The following WAPL variants were observed in gnomAD, a reference collection of about 807,000 sequenced individuals.
The protein encoded by WAPL is WAPL cohesin release factor.
Under a neutral mutation model 121.0 loss-of-function variants are expected in WAPL, and 5 were observed. The ratio of observed to expected loss-of-function variants is 0.04; its 90% CI spans 0.02 to 0.09. WAPL has a LOEUF of 0.09. WAPL is among the 10% of genes least tolerant of loss of function. The pLI, the probability that WAPL is intolerant of heterozygous loss-of-function variation, is 1.00. For missense variants in WAPL, 999 were observed against 1,410.8 expected (o/e 0.71, Z 4.68); for synonymous variants, 480 against 481.5 (o/e 1.00, Z 0.04).
chr10:86,455,896 T>C lies in WAPL; in HGVS notation c.2658-2065A>G, dbSNP rs182366965. Among the ~76,000 whole-genome samples the C allele has an allele frequency of 2.6e-5, 4 of 152,246 alleles. No homozygotes were observed. In the East Asian group the frequency reaches 7.7e-4, roughly 29 times the overall value. On this transcript the variant is annotated intron_variant, in intron 12 of 18. Coordinates refer to ENST00000298767, the MANE Select transcript of WAPL (RefSeq NM_015045.5). ...TACTGCATTAGGTTCCCAGAGGTGC[T>C]ATACAAACAGAAACATGTTTTCTAA...
At chr10:86,451,668 T>C (rs7098970) in intron 15 of WAPL, among the ~76,000 whole-genome samples, 57,353 of 152,056 alleles carry the variant, frequency 0.38, 11,145 homozygotes, top group Non-Finnish European at 0.43. Flanking sequence ...GCTGGGATTA[T>C]AGGCGTGAGT....
chr10:86,440,934 C>T (rs1201049636), intron 17 of WAPL, among the ~76,000 whole-genome samples: 1 of 145,402 alleles, frequency 6.9e-6, no homozygotes, highest in Non-Finnish European at 1.5e-5. Flanking sequence ...AGTAAGGAAA[C>T]GTGGGGTGGG....
intron 17 of WAPL, among the ~76,000 whole-genome samples, chr10:86,442,180 C>T (rs1465812680): frequency 6.6e-6 from 1 of 152,114 alleles, no homozygotes; most frequent in East Asian, 1.9e-4. Context: ...TAGAGGTGTG[C>T]ACCGCCACGC....
At chr10:86,447,165 A>T (rs1849644045) in intron 15 of WAPL, among the ~76,000 whole-genome samples, 1 of 152,188 alleles carries the variant, frequency 6.6e-6, no homozygotes, top group South Asian at 2.1e-4. Flanking sequence ...TGGAATCTAC[A>T]TGCCATGTGA....
chr10:86,443,644 C>A, intron 16 of WAPL: 2 of 340,572 alleles, frequency 5.9e-6, no homozygotes, highest in African/African-American at 2.1e-5. Flanking sequence ...AATATATTTG[C>A]AAATCATGAA....
intron 13 of WAPL, 81 bp downstream of exon 13, chr10:86,453,575 A>C (rs1365236549): frequency 6.8e-7 from 1 of 1,466,010 alleles, no homozygotes; most frequent in African/African-American, 1.4e-5. Context: ...TCACTACCCC[A>C]GGAAAAGGAG....
Position 86,472,144 on chromosome 10 carries a change from C to T in WAPL, c.2030+64G>A. 2 of 1,459,010 alleles carry T rather than the reference C, an allele frequency of 1.4e-6. No individual in the cohort carries two copies. Among genetic ancestry groups the T allele is most frequent in the Non-Finnish European group, 1.8e-6 (2 of 1,103,412 alleles). The allele number at this position is 1,459,010 out of a possible 1,614,324, so 90.4% of individuals were successfully genotyped here. On this transcript the variant is annotated intron_variant, in intron 7 of 18. Transcript: ENST00000298767. The surrounding 1 kb of genome is among the most constrained non-coding windows in gnomAD (Gnocchi z 4.2). ...AAAAAATGTTTGGCTTTTTGGACAA[C>T]ACCTAGTTGAAAAAATTTAATACAG...
intron 4 of WAPL, among the ~76,000 whole-genome samples, chr10:86,496,328 T>C (rs185218298): frequency 2.0e-5 from 3 of 152,236 alleles, no homozygotes; most frequent in African/African-American, 7.2e-5. Context: ...AGGGCCCTCA[T>C]ATGTTGCTGG....
intron 2 of WAPL, among the ~76,000 whole-genome samples, chr10:86,505,143 C>A (rs944708684): frequency 6.6e-6 from 1 of 150,670 alleles, no homozygotes; most frequent in East Asian, 1.9e-4. Flanking sequence ...ACATAAAATT[C>A]CTAAAAGCTG....
chr10:86,452,946 G>C (rs1841025731), intron 14 of WAPL, among the ~76,000 whole-genome samples: 1 of 137,558 alleles, frequency 7.3e-6, no homozygotes, highest in Non-Finnish European at 1.5e-5. Context: ...GGCTGAGGCA[G>C]GAGAACTGCT....
At chr10:86,491,707 T>G (rs997969029) in intron 4 of WAPL, among the ~76,000 whole-genome samples, 1 of 150,884 alleles carries the variant, frequency 6.6e-6, no homozygotes, top group African/African-American at 2.4e-5. Flanking sequence ...TGGTTCACAC[T>G]GGCCAAATAT....
Position 86,477,672 on chromosome 10 carries a change from G to A in WAPL, c.1645-3699C>T, listed in dbSNP as rs561371698. On this transcript the variant is annotated intron_variant, in intron 4 of 18. Coordinates refer to ENST00000298767, the MANE Select transcript of WAPL (RefSeq NM_015045.5). ...AAAAAATTAGCCAGGTGTGGTGGCA[G>A]GCACTGTAGTCCCAGCTACTTGGGA... 2.6e-3 allele frequency among the ~76,000 whole-genome samples: 392 copies of A among 152,152 alleles called. 2 individuals are homozygous for A. The highest frequency in any genetic ancestry group is 4.8e-3 in the Admixed American group (74 of 15,284).
intron 8 of WAPL, among the ~76,000 whole-genome samples, chr10:86,468,838 C>T (rs1371983982): frequency 2.0e-5 from 3 of 151,938 alleles, no homozygotes; most frequent in South Asian, 2.1e-4. Flanking sequence ...CAGTGGCTCA[C>T]GTCTGTAATC....
intron 15 of WAPL, among the ~76,000 whole-genome samples, chr10:86,449,775 G>A (rs1320281844): frequency 6.6e-6 from 1 of 152,134 alleles, no homozygotes; most frequent in Non-Finnish European, 1.5e-5. Flanking sequence ...AAAAGAAAGA[G>A]ACTAGAATGA....
intron 8 of WAPL, among the ~76,000 whole-genome samples, chr10:86,468,195 T>C (rs953949517): frequency 1.3e-5 from 2 of 152,048 alleles, no homozygotes; most frequent in Non-Finnish European, 2.9e-5. Flanking sequence ...TATTATGATA[T>C]ACCTCATTTT....
intron 9 of WAPL, among the ~76,000 whole-genome samples, chr10:86,463,257 C>T (rs1161553311): frequency 6.6e-6 from 1 of 152,256 alleles, no homozygotes; most frequent in Non-Finnish European, 1.5e-5. Context: ...TGCTACTGCA[C>T]TCCAGCCAGG....
At position 86,514,767 on chromosome 10, in the gene WAPL, C is replaced by A. The variant is rs146481765; in HGVS notation, c.499+2804G>T. Among the ~76,000 whole-genome samples the A allele has an allele frequency of 1.3e-3, 196 of 152,314 alleles. 3 individuals are homozygous for A. The East Asian group carries it at 0.036, about 28-fold the overall frequency. On this transcript the variant is annotated intron_variant, in intron 2 of 18. Transcript: ENST00000298767. ...TTACTTATGAATAACTTCCACATTC[C>A]TTTTCCCCCTTACCTAAACGTTCAA...
At chr10:86,483,957 G>A (rs552153847) in intron 4 of WAPL, among the ~76,000 whole-genome samples, 27 of 151,690 alleles carry the variant, frequency 1.8e-4, no homozygotes, top group Middle Eastern at 3.4e-3. Context: ...GACCTCAGGT[G>A]ACCCACCTGC....
intron 4 of WAPL, among the ~76,000 whole-genome samples, chr10:86,486,440 T>G (rs904975395): frequency 6.6e-6 from 1 of 152,230 alleles, no homozygotes; most frequent in Non-Finnish European, 1.5e-5. Flanking sequence ...AAAGCTATAT[T>G]CAACTTTAAA....
Sources: gnomAD v4.1 joint callset for allele counts (sites outside exome capture counted in the v4.1 genomes callset) on GRCh38, gnomAD v4.1.1 for gene constraint, Gnocchi (gnomAD v3.1) non-coding constraint, MANE v1.5 for transcripts, NCBI Gene and HGNC (gene_info 2026-07-23, HGNC 2026-07-21) for gene names.